Variants in WNT2 observed in about 807,000 individuals in gnomAD.
The protein encoded by WNT2 is Wnt family member 2.
In WNT2, 12 loss-of-function variants were observed where a neutral mutation model predicts 36.9. The observed-to-expected ratio is 0.33, with a 90% CI of 0.21 to 0.53. The LOEUF is 0.53. WNT2 is among the 20% of genes least tolerant of loss of function. The pLI is 0.95. For missense variants in WNT2, 379 were observed against 473.1 expected (o/e 0.80, Z 1.84); for synonymous variants, 163 against 174.6 (o/e 0.93, Z 0.52).
chr7:117,300,369 T>A (rs932241574), intron 3 of WNT2, among the ~76,000 whole-genome samples: 4 of 152,074 alleles, frequency 2.6e-5, no homozygotes, highest in African/African-American at 9.7e-5. Flanking sequence ...GTATTTTTAG[T>A]AGAGATGGGG....
At chr7:117,293,112 A>C (rs1387591317) in intron 4 of WNT2, among the ~76,000 whole-genome samples, 3 of 152,172 alleles carry the variant, frequency 2.0e-5, no homozygotes, top group Non-Finnish European at 4.4e-5. Context: ...GCAATAAAAA[A>C]AAAATTAAAA....
chr7:117,313,184 G>A (rs1795153780), intron 3 of WNT2, among the ~76,000 whole-genome samples: 1 of 152,184 alleles, frequency 6.6e-6, no homozygotes, highest in Non-Finnish European at 1.5e-5. Flanking sequence ...CAAAGGGGGA[G>A]TAGAGACTGG....
At chr7:117,309,145 G>T (rs528112923) in intron 3 of WNT2, among the ~76,000 whole-genome samples, 1 of 151,554 alleles carries the variant, frequency 6.6e-6, no homozygotes, top group East Asian at 1.9e-4. Flanking sequence ...TTGCACTACC[G>T]CACACTCCAG....
rs1794822573 is a variant in WNT2 at position 117,297,814 on chromosome 7, G to A, written c.651C>T (p.Leu217=). The A allele has an allele frequency of 1.2e-6, 2 of 1,614,050 alleles. No individual in the cohort carries two copies. The highest frequency in any genetic ancestry group is 1.1e-5 in the South Asian group (1 of 91,084). ...KCHGVSGSCT[L]RTCWLAMADF... ...CGGCCATGGCCAGCCAGCATGTCCT[G>A]AGAGTACATGAGCCGCTCACCCCGT... Residue 217 remains leucine (L), a synonymous_variant, in exon 4 of 5, where the codon CTC becomes CTT. Coordinates refer to ENST00000265441, the MANE Select transcript of WNT2 (RefSeq NM_003391.3).
intron 4 of WNT2, among the ~76,000 whole-genome samples, chr7:117,280,899 A>G (rs751830163): frequency 2.0e-5 from 3 of 152,226 alleles, no homozygotes; most frequent in Non-Finnish European, 2.9e-5. Context: ...AACATGGGAT[A>G]TATCAGAGAA....
At chr7:117,300,051 A>G (rs1044815233) in intron 3 of WNT2, among the ~76,000 whole-genome samples, 2 of 152,176 alleles carry the variant, frequency 1.3e-5, no homozygotes, top group South Asian at 4.1e-4. Context: ...CTAAATCGCT[A>G]ATAGTAATTT....
In WNT2 at chr7:117,322,996, C is replaced by T; in HGVS notation, c.-7G>A. ...CACCGAGAGGGGCGTTCATATTAAC[C>T]CCCTTGCGTCTGCATCAGGTCAGAC... On this transcript the variant is annotated 5_prime_UTR_variant, in exon 1 of 5. Transcript: ENST00000265441. The surrounding 1 kb of genome is among the most constrained non-coding windows in gnomAD (Gnocchi z 5.4). 1 of 1,609,552 alleles carries T rather than the reference C, an allele frequency of 6.2e-7. No individual in the cohort carries two copies. Among genetic ancestry groups the T allele is most frequent in the African/African-American group, 1.3e-5 (1 of 74,848 alleles).
intron 3 of WNT2, among the ~76,000 whole-genome samples, chr7:117,302,420 G>A (rs1794926405): frequency 6.6e-6 from 1 of 152,170 alleles, no homozygotes; most frequent in Non-Finnish European, 1.5e-5. Context: ...GACTGATAAT[G>A]TTTGGTGTTA....
At chr7:117,290,556 TATC>T (rs1563199720) in intron 4 of WNT2, among the ~76,000 whole-genome samples, 1 of 152,250 alleles carries the variant, frequency 6.6e-6, no homozygotes, top group Non-Finnish European at 1.5e-5. Context: ...ACCTTTTAGA[TATC>T]AATCCATGAA....
Position 117,313,390 on chromosome 7 carries a change from G to A in WNT2, c.588+1681C>T, listed in dbSNP as rs917394294. Among the ~76,000 whole-genome samples the A allele has an allele frequency of 7.2e-5, 11 of 152,296 alleles. No homozygotes were observed. The East Asian group carries it at 2.1e-3, about 29-fold the overall frequency. ...CAAAAGTAGCCTCCTAAGTTTTGCA[G>A]AGCAGGCAGGAGAATATCTGAGGCC... is the stretch of plus-strand genomic sequence containing the variant. On this transcript the variant is annotated intron_variant, in intron 3 of 4. Coordinates refer to ENST00000265441, the MANE Select transcript of WNT2 (RefSeq NM_003391.3).
chr7:117,302,492 C>G (rs1054353223), intron 3 of WNT2, among the ~76,000 whole-genome samples: 2 of 152,118 alleles, frequency 1.3e-5, no homozygotes, highest in Non-Finnish European at 2.9e-5. Flanking sequence ...AGCGATCCAT[C>G]ATTTAAATGA....
intron 4 of WNT2, among the ~76,000 whole-genome samples, chr7:117,279,833 A>C (rs551533498): frequency 6.6e-6 from 1 of 152,216 alleles, no homozygotes; most frequent in South Asian, 2.1e-4. Context: ...AAACAAAACG[A>C]CTTATATCAG....
At chr7:117,305,601 A>G (rs1272063716) in intron 3 of WNT2, among the ~76,000 whole-genome samples, 1 of 151,988 alleles carries the variant, frequency 6.6e-6, no homozygotes, top group Non-Finnish European at 1.5e-5. Flanking sequence ...GCATTTAGGA[A>G]CTCTGGTTGT....
At position 117,297,806 on chromosome 7, in the gene WNT2, C is replaced by A. The variant is rs1187266618; in HGVS notation, c.659G>T (p.Cys220Phe). The change falls in exon 4 of 5, where the codon TGC becomes TTC. Residue 220 changes from cysteine to phenylalanine, a missense_variant. Physicochemically the swap from Cys to Phe is radical, Grantham distance 205. Transcript: ENST00000265441. ...CCTGAAGTCGGCCATGGCCAGCCAGCATGTCCTGAGAGTACATGAGCCGCT... is the reference window on the plus strand; with the variant it reads ...CCTGAAGTCGGCCATGGCCAGCCAGAATGTCCTGAGAGTACATGAGCCGCT... Reference protein sequence around the residue: ...GVSGSCTLRTCWLAMADFRKT... With the variant: ...GVSGSCTLRTFWLAMADFRKT... The A allele has an allele frequency of 1.9e-6, 3 of 1,614,078 alleles. No homozygotes were observed. Among genetic ancestry groups the A allele is most frequent in the Non-Finnish European group, 2.5e-6 (3 of 1,180,048 alleles).
intron 3 of WNT2, among the ~76,000 whole-genome samples, chr7:117,300,312 G>A (rs573726836): frequency 5.9e-5 from 9 of 152,176 alleles, no homozygotes; most frequent in Non-Finnish European, 1.0e-4. Context: ...TCAGCCTCCC[G>A]AATAGCTGGG....
At chr7:117,316,814 G>A (rs1795228803) in intron 2 of WNT2, among the ~76,000 whole-genome samples, 1 of 152,140 alleles carries the variant, frequency 6.6e-6, no homozygotes, top group Non-Finnish European at 1.5e-5. Flanking sequence ...GTGCTCTCCA[G>A]AGGGAAATAT....
chr7:117,315,447 C>T, intron 2 of WNT2, 99 bp from the exon 3 acceptor site: 1 of 1,279,652 alleles, frequency 7.8e-7, no homozygotes, highest in South Asian at 1.5e-5. Context: ...TTCAGACAAC[C>T]TTTGCCACTA....
intron 4 of WNT2, among the ~76,000 whole-genome samples, chr7:117,280,097 G>A (rs886827803): frequency 1.7e-4 from 26 of 152,042 alleles, no homozygotes; most frequent in Non-Finnish European, 3.1e-4. Context: ...AATGATTGGC[G>A]GCGGAGAGCA....
chr7:117,278,067 C>G lies in WNT2; in HGVS notation c.*88G>C. ...AAGGCCACATGCCTTAGGAAATATC[C>G]CCCCAGAAAGAACCCAAAGGTCCAG... On this transcript the variant is annotated 3_prime_UTR_variant, in exon 5 of 5. Coordinates refer to ENST00000265441, the MANE Select transcript of WNT2 (RefSeq NM_003391.3). The G allele has an allele frequency of 6.9e-7, 1 of 1,444,224 alleles. No individual in the cohort carries two copies. Among genetic ancestry groups the G allele is most frequent in the Non-Finnish European group, 9.6e-7 (1 of 1,043,976 alleles). 89.5% of individuals were successfully genotyped at this position (1,444,224 alleles called of 1,614,324 possible).
Sources: allele counts gnomAD v4.1 joint callset (sites outside exome capture counted in the v4.1 genomes callset), GRCh38; gene constraint gnomAD v4.1.1; non-coding constraint Gnocchi (gnomAD v3.1); transcripts MANE v1.5; gene names NCBI Gene and HGNC (gene_info 2026-07-23, HGNC 2026-07-21).